The following TTC9 variants were observed in gnomAD, a reference collection of about 807,000 sequenced individuals.
The protein encoded by TTC9 is tetratricopeptide repeat protein 9A.
Under a neutral mutation model 22.9 loss-of-function variants are expected in TTC9, and 13 were observed. The ratio of observed to expected loss-of-function variants is 0.57; its 90% CI spans 0.37 to 0.90. The LOEUF (loss-of-function observed/expected upper bound fraction) is 0.90, where lower values mean the gene tolerates loss of function less well. Among genes scored for constraint, TTC9 ranks in the 40% least tolerant of loss-of-function variants. The probability of loss-of-function intolerance (pLI) is 0.01; values close to 1 mark genes in which losing one functional copy is unlikely to be tolerated. For missense variants in TTC9, 280 were observed against 291.8 expected (o/e 0.96, Z 0.29); for synonymous variants, 148 against 133.2 (o/e 1.11, Z -0.77).
intron 2 of TTC9, among the ~76,000 whole-genome samples, chr14:70,669,580 C>CTT (rs796679950): frequency 2.9e-5 from 4 of 138,382 alleles, no homozygotes; most frequent in African/African-American, 5.3e-5. Flanking sequence ...CACACCCAGC[C>CTT]TTTTTTTTTT....
intron 1 of TTC9, among the ~76,000 whole-genome samples, chr14:70,649,433 A>G (rs1034089165): frequency 1.4e-5 from 2 of 144,250 alleles, no homozygotes; most frequent in African/African-American, 4.9e-5. Context: ...CCCGCCTTAC[A>G]TGAACTTATG....
At chr14:70,660,363 C>T (rs1324726130) in intron 1 of TTC9, among the ~76,000 whole-genome samples, 3 of 152,176 alleles carry the variant, frequency 2.0e-5, no homozygotes, top group South Asian at 2.1e-4. Context: ...CTTTAAATTA[C>T]GCTGTAGCTT....
chr14:70,663,312 T>C (rs1886169645), intron 1 of TTC9, among the ~76,000 whole-genome samples: 1 of 152,204 alleles, frequency 6.6e-6, no homozygotes, highest in Admixed American at 6.5e-5. Flanking sequence ...AGATCAGTGA[T>C]TCCCAAACAT....
At position 70,671,288 on chromosome 14, in the gene TTC9, C is replaced by A. The variant is rs924077698; in HGVS notation, c.*133C>A. The A allele has an allele frequency of 1.7e-5, 12 of 710,828 alleles. No homozygotes were observed. The Admixed American group carries it at 3.0e-4, about 18-fold the overall frequency. The allele number at this position is 710,828 out of a possible 1,614,324, so 44.0% of individuals were successfully genotyped here. On this transcript the variant is annotated 3_prime_UTR_variant, in exon 3 of 3. Coordinates refer to ENST00000256367, the MANE Select transcript of TTC9 (RefSeq NM_015351.2). The stretch of plus-strand genomic sequence containing the variant: ...GCTCCTCATTTTTCCTCCTGTTGCA[C>A]CCCAGCTCTTTGTCTCCTCCCAGTA...
chr14:70,644,929 G>A (rs953976855), intron 1 of TTC9, among the ~76,000 whole-genome samples: 4 of 142,418 alleles, frequency 2.8e-5, no homozygotes, highest in African/African-American at 1.0e-4. Context: ...TGGCTAACAC[G>A]GTGAAACCCC....
chr14:70,668,631 G>A lies in TTC9; in HGVS notation c.589+885G>A, dbSNP rs186886219. On this transcript the variant is annotated intron_variant, in intron 2 of 2. Transcript: ENST00000256367. ...TTTGGGAACCCAAGGCAGGTGGATCGCTTGAGCTCAGAAGTTCAAGACCAG... is the reference window on the plus strand; with the variant it reads ...TTTGGGAACCCAAGGCAGGTGGATCACTTGAGCTCAGAAGTTCAAGACCAG... 3.0e-3 allele frequency among the ~76,000 whole-genome samples: 441 copies of A among 149,192 alleles called. 4 individuals are homozygous for A. Among genetic ancestry groups the A allele is most frequent in the South Asian group, 4.5e-3 (21 of 4,670 alleles).
intron 1 of TTC9, among the ~76,000 whole-genome samples, chr14:70,656,011 C>T (rs1302056743): frequency 1.3e-5 from 2 of 152,040 alleles, no homozygotes; most frequent in Non-Finnish European, 2.9e-5. Context: ...ATATACAAAG[C>T]AGTCTGGGCA....
rs1885835375 is a variant in TTC9, at chr14:70,642,526, A to G, written c.397A>G (p.Ser133Gly). Reference sequence around the variant, plus strand: ...AGCCATCGAGATCGACTGTTACAACAGCCTGGCAGGTGAGCCGCGCCGCGC... The same window carrying G: ...AGCCATCGAGATCGACTGTTACAACGGCCTGGCAGGTGAGCCGCGCCGCGC... Reference protein sequence around the residue: ...VEAIEIDCYNSLAACLLQAEL... With the variant: ...VEAIEIDCYNGLAACLLQAEL... Residue 133 changes from serine (S) to glycine (G), a missense_variant, in exon 1 of 3, where the codon AGC (serine) becomes GGC (glycine). This residue lies in a region of TTC9 where 165 missense variants were observed against 145.4 expected (regional missense o/e 1.14). Transcript: ENST00000256367. The G allele has an allele frequency of 2.0e-6, 3 of 1,536,700 alleles. No individual in the cohort carries two copies. The highest frequency in any genetic ancestry group is 1.4e-5 in the African/African-American group (1 of 71,476).
chr14:70,660,564 G>A lies in TTC9; in HGVS notation c.407-7000G>A, dbSNP rs551699331. 5.3e-5 allele frequency among the ~76,000 whole-genome samples: 8 copies of A among 152,248 alleles called. No individual in the cohort carries two copies. In the East Asian group the frequency reaches 9.7e-4, roughly 18 times the overall value. On this transcript the variant is annotated intron_variant, in intron 1 of 2. Transcript: ENST00000256367. ...ATTATCTCATTTCATCATCATAAGCGTTCCCCCAAAGTTCCTATTTAACAT... is the reference window on the plus strand; with the variant it reads ...ATTATCTCATTTCATCATCATAAGCATTCCCCCAAAGTTCCTATTTAACAT...
intron 1 of TTC9, among the ~76,000 whole-genome samples, chr14:70,650,699 C>T (rs1482371901): frequency 1.3e-5 from 2 of 152,166 alleles, no homozygotes; most frequent in African/African-American, 2.4e-5. Flanking sequence ...AAATTCTCCA[C>T]ATCATTCTTT....
intron 2 of TTC9, among the ~76,000 whole-genome samples, chr14:70,668,502 ATACT>A (rs913304034): frequency 2.6e-5 from 4 of 152,318 alleles, no homozygotes; most frequent in South Asian, 2.1e-4. Flanking sequence ...AACAAATGAA[ATACT>A]TAGTAGTAAT....
intron 2 of TTC9, among the ~76,000 whole-genome samples, chr14:70,668,422 A>G (rs1182493651): frequency 6.6e-6 from 1 of 152,208 alleles, no homozygotes; most frequent in East Asian, 1.9e-4. Flanking sequence ...GAGAGGGGAC[A>G]GAACCCAGGG....
chr14:70,661,992 T>C (rs1886150550), intron 1 of TTC9, among the ~76,000 whole-genome samples: 1 of 152,202 alleles, frequency 6.6e-6, no homozygotes, highest in Non-Finnish European at 1.5e-5. Flanking sequence ...GAAGGCTGTT[T>C]CTCCTCTAGC....
intron 1 of TTC9, among the ~76,000 whole-genome samples, chr14:70,658,161 G>C (rs1003839050): frequency 6.6e-6 from 1 of 152,116 alleles, no homozygotes. Flanking sequence ...TTCCCCATAA[G>C]AGCTAAGTGG....
rs1302256378 is a variant in TTC9, at chr14:70,673,540, GCC to G, written c.*2388_*2389del. 6.6e-6 allele frequency: 1 copy of G among 152,124 alleles called. No homozygotes were observed. The highest frequency in any genetic ancestry group is 1.5e-5 in the Non-Finnish European group (1 of 68,080). 9.4% of individuals were successfully genotyped at this position (152,124 alleles called of 1,614,324 possible). ...GACCCTAACCCAAAACTACCCTATG[GCC>G]CCACACGGGAATGTGTTCAAACGCC... On this transcript the variant is annotated 3_prime_UTR_variant, in exon 3 of 3. Coordinates refer to ENST00000256367, the MANE Select transcript of TTC9 (RefSeq NM_015351.2).
chr14:70,671,492 G>A lies in TTC9; in HGVS notation c.*337G>A, dbSNP rs556005770. On this transcript the variant is annotated 3_prime_UTR_variant, in exon 3 of 3. Transcript: ENST00000256367. Reference sequence around the variant, plus strand: ...TTTGGCCAGTGCTTCTGACAGAGGCGGAGCCTGGCAAGTGTACCATCCCAC... The same window carrying A: ...TTTGGCCAGTGCTTCTGACAGAGGCAGAGCCTGGCAAGTGTACCATCCCAC... The A allele has an allele frequency of 3.5e-5, 9 of 256,060 alleles. No individual in the cohort carries two copies. The highest frequency in any genetic ancestry group is 5.0e-5 in the South Asian group (1 of 19,816). 15.9% of individuals were successfully genotyped at this position (256,060 alleles called of 1,614,324 possible).
At chr14:70,659,263 T>C (rs1566699441) in intron 1 of TTC9, among the ~76,000 whole-genome samples, 1 of 152,090 alleles carries the variant, frequency 6.6e-6, no homozygotes, top group African/African-American at 2.4e-5. Flanking sequence ...TTACAAGATA[T>C]TAGCGCTAAG....
chr14:70,656,402 TTAAC>T (rs1248003461), intron 1 of TTC9, among the ~76,000 whole-genome samples: 1 of 152,246 alleles, frequency 6.6e-6, no homozygotes, highest in South Asian at 2.1e-4. Context: ...CATTATTTAT[TTAAC>T]TAATCTACTG....
rs61046584 is a variant in TTC9, at chr14:70,654,587, C to CAAAAAAAAAAAAAAAA, written c.406+12072_406+12087dup. Among the ~76,000 whole-genome samples, 80 of 57,146 alleles carry CAAAAAAAAAAAAAAAA rather than the reference C, an allele frequency of 1.4e-3. 1 individual carries two copies. The highest frequency in any genetic ancestry group is 2.4e-3 in the Admixed American group (8 of 3,322). 37.5% of individuals were successfully genotyped at this position (57,146 alleles called of 152,430 possible). A position where few individuals can be genotyped will look rare whatever the true frequency, so the allele number is the denominator to read the frequency against. ...CCTGGGCAACAGTAAGGCTCTGTCT[C>CAAAAAAAAAAAAAAAA]AAAAAAAAAAAAAAAAAAAAAAAAA... On this transcript the variant is annotated intron_variant, in intron 1 of 2. Transcript: ENST00000256367.
Sources: gnomAD v4.1 joint callset for allele counts (sites outside exome capture counted in the v4.1 genomes callset) on GRCh38, gnomAD v4.1.1 for gene constraint, gnomAD v4.1.1 regional missense constraint, MANE v1.5 for transcripts, NCBI Gene and HGNC (gene_info 2026-07-23, HGNC 2026-07-21) for gene names.